Variants in SYTL3 observed in about 807,000 individuals in gnomAD.
SYTL3 encodes the protein synaptotagmin like 3.
A neutral mutation model predicts 82.1 loss-of-function variants in SYTL3; 88 were observed. That is an observed-to-expected ratio of 1.07 (90% CI 0.90 to 1.28). SYTL3 has a LOEUF of 1.28. Among genes scored for constraint, SYTL3 ranks in the 50% most tolerant of loss-of-function variants. The probability of loss-of-function intolerance (pLI) is 0.00; values close to 1 mark genes in which losing one functional copy is unlikely to be tolerated. For synonymous variants in SYTL3, 311 were observed against 289.4 expected (o/e 1.07, Z -0.76); for missense variants, 831 against 757.6 (o/e 1.10, Z -1.14).
intron 12 of SYTL3, 72 bp downstream of exon 12, chr6:158,745,730 A>G: frequency 1.7e-6 from 2 of 1,187,628 alleles, no homozygotes; most frequent in Non-Finnish European, 2.3e-6. Flanking sequence ...TAAAAGTCTA[A>G]GAATAACCAA....
intron 11 of SYTL3, among the ~76,000 whole-genome samples, chr6:158,728,834 T>C (rs1785051599): frequency 6.6e-6 from 1 of 151,766 alleles, no homozygotes; most frequent in Non-Finnish European, 1.5e-5. Flanking sequence ...CCTGGGTGGC[T>C]AACATGGTGA....
At chr6:158,734,752 T>C (rs1025598521) in intron 11 of SYTL3, among the ~76,000 whole-genome samples, 5 of 152,216 alleles carry the variant, frequency 3.3e-5, no homozygotes, top group Admixed American at 1.3e-4. Flanking sequence ...CACTAGACTC[T>C]AATTCCCAAG....
intron 1 of SYTL3, 115 bp downstream of exon 1, chr6:158,650,193 G>A (rs1787815083): frequency 6.6e-6 from 1 of 152,048 alleles, no homozygotes; most frequent in African/African-American, 2.4e-5. Context: ...CATTGAAAAG[G>A]TAGGAAACAA....
chr6:158,752,662 G>T (rs187516273), intron 13 of SYTL3, among the ~76,000 whole-genome samples: 118 of 152,324 alleles, frequency 7.7e-4, no homozygotes, highest in African/African-American at 2.7e-3. Context: ...GGCTGTGGTG[G>T]CCCCAATCTT....
Position 158,718,089 on chromosome 6 carries a change from C to A in SYTL3, c.598C>A (p.Leu200Ile). The A allele has an allele frequency of 6.5e-7, 1 of 1,529,154 alleles. No individual in the cohort carries two copies. 94.7% of individuals were successfully genotyped at this position (1,529,154 alleles called of 1,614,324 possible). The change falls in exon 10 of 18, where the codon CTC becomes ATC. Residue 200 changes from leucine (L) to isoleucine (I), a missense_variant and splice_region_variant. Coordinates refer to ENST00000611299, the MANE Select transcript of SYTL3 (RefSeq NM_001242394.2). ...FLSLATHVKK[L>I]SKSQNDMTSE... The stretch of plus-strand genomic sequence containing the variant: ...CAACCCTTGTGTTTGCCTTTTAGAG[C>A]TCTCCAAATCCCAGAATGATATGAC...
chr6:158,699,753 C>T (rs189730031), intron 6 of SYTL3, among the ~76,000 whole-genome samples: 6 of 149,238 alleles, frequency 4.0e-5, no homozygotes, highest in Admixed American at 1.3e-4. Flanking sequence ...TTCGAGACCA[C>T]CTTGGCCAAC....
rs943377742 is a variant in SYTL3 at position 158,671,053 on chromosome 6, C to T, written c.329+5440C>T. Among the ~76,000 whole-genome samples the T allele has an allele frequency of 5.3e-5, 8 of 152,208 alleles. No individual in the cohort carries two copies. The South Asian group carries it at 1.7e-3, about 32-fold the overall frequency. ...TCTCCTGATCTAGTGTTCCGCCCGC[C>T]TCAGCCTCCCAAAGTGCTGAGATTA... On this transcript the variant is annotated intron_variant, in intron 5 of 17. Transcript: ENST00000611299.
At chr6:158,718,632 C>T (rs191560121) in intron 10 of SYTL3, among the ~76,000 whole-genome samples, 32 of 152,346 alleles carry the variant, frequency 2.1e-4, no homozygotes, top group African/African-American at 7.0e-4. Context: ...CGTAAAGGCG[C>T]GAGCAAGCCT....
chr6:158,753,605 C>T (rs1788679940), intron 13 of SYTL3, among the ~76,000 whole-genome samples: 1 of 151,784 alleles, frequency 6.6e-6, no homozygotes. Flanking sequence ...TGGCGGGCGC[C>T]TGTAGTCCCA....
chr6:158,665,639 C>A, intron 5 of SYTL3, 26 bp downstream of exon 5: 1 of 1,509,028 alleles, frequency 6.6e-7, no homozygotes, highest in Non-Finnish European at 9.0e-7. Context: ...GGTTGGATCC[C>A]TCCCACTGAT....
At chr6:158,729,201 A>G (rs184722886) in intron 11 of SYTL3, among the ~76,000 whole-genome samples, 1 of 152,304 alleles carries the variant, frequency 6.6e-6, no homozygotes, top group East Asian at 1.9e-4. Context: ...ACAAAATATC[A>G]CAGGCTGGGT....
intron 14 of SYTL3, among the ~76,000 whole-genome samples, chr6:158,757,978 G>C (rs1014128021): frequency 6.6e-6 from 1 of 152,132 alleles, no homozygotes; most frequent in African/African-American, 2.4e-5. Flanking sequence ...CTCCATTTAG[G>C]ATCCGTGTCC....
At chr6:158,733,224 G>A (rs1337116951) in intron 11 of SYTL3, among the ~76,000 whole-genome samples, 1 of 152,170 alleles carries the variant, frequency 6.6e-6, no homozygotes, top group African/African-American at 2.4e-5. Flanking sequence ...GGCACATACA[G>A]CTCGCAGCCT....
intron 10 of SYTL3, among the ~76,000 whole-genome samples, chr6:158,720,787 G>A (rs1264875091): frequency 1.3e-5 from 2 of 152,168 alleles, no homozygotes; most frequent in Admixed American, 1.3e-4. Flanking sequence ...GGACACTGGG[G>A]CAAAGAGATG....
intron 2 of SYTL3, among the ~76,000 whole-genome samples, chr6:158,652,046 G>A (rs1388349114): frequency 6.6e-6 from 1 of 150,780 alleles, no homozygotes; most frequent in Non-Finnish European, 1.5e-5. Flanking sequence ...TCCTGCCTCA[G>A]CCTCCCCGGT....
intron 11 of SYTL3, chr6:158,726,364 G>C: frequency 3.4e-6 from 1 of 294,834 alleles, no homozygotes; most frequent in Non-Finnish European, 6.6e-6. Context: ...TGTAGGCTTT[G>C]TTTGTGAATT....
At chr6:158,757,780 A>T (rs1789336682) in intron 14 of SYTL3, among the ~76,000 whole-genome samples, 1 of 152,172 alleles carries the variant, frequency 6.6e-6, no homozygotes. Flanking sequence ...CTAACCTTTC[A>T]ACCCCAGGCA....
At chr6:158,754,216 C>T (rs1788780542) in intron 13 of SYTL3, among the ~76,000 whole-genome samples, 1 of 152,142 alleles carries the variant, frequency 6.6e-6, no homozygotes, top group Non-Finnish European at 1.5e-5. Flanking sequence ...GAGCAGAGTA[C>T]TTCTTGGCAA....
At chr6:158,760,833 T>C (rs1789818320) in intron 15 of SYTL3, 88 bp downstream of exon 15, 1 of 1,051,168 alleles carries the variant, frequency 9.5e-7, no homozygotes, top group Non-Finnish European at 1.5e-6. Context: ...GGTGAAAGTT[T>C]TCTAGCATTT....
Sources: gnomAD v4.1 joint callset for allele counts (sites outside exome capture counted in the v4.1 genomes callset) on GRCh38, gnomAD v4.1.1 for gene constraint, MANE v1.5 for transcripts, NCBI Gene and HGNC (gene_info 2026-07-23, HGNC 2026-07-21) for gene names.